Variants in TLN2 observed in about 807,000 individuals in gnomAD.
The protein encoded by TLN2 is talin-2.
A neutral mutation model predicts 294.7 loss-of-function variants in TLN2; 118 were observed. The observed-to-expected ratio is 0.40, with a 90% confidence interval of 0.34 to 0.47. TLN2 has a LOEUF of 0.47. TLN2 is among the 20% of genes least tolerant of loss of function. TLN2 has a pLI of 0.84. For missense variants in TLN2, 3,083 were observed against 3,282.2 expected (o/e 0.94, Z 1.48); for synonymous variants, 1,431 against 1,304.5 (o/e 1.10, Z -2.09).
intron 20 of TLN2, among the ~76,000 whole-genome samples, chr15:62,708,289 A>G (rs1030260185): frequency 3.3e-5 from 5 of 152,222 alleles, no homozygotes; most frequent in African/African-American, 7.2e-5. Context: ...GACATGTCAA[A>G]TCACAAGGAT....
In TLN2 at chr15:62,701,217, A is replaced by G. The variant is rs1364155888; in HGVS notation, c.1696+3A>G. The G allele has an allele frequency of 1.9e-6, 3 of 1,612,352 alleles. No individual in the cohort carries two copies. The Admixed American group carries it at 5.0e-5, about 27-fold the overall frequency. ...TTCAGTTGTTAACCTCACAGCTGGT[A>G]AGTCCCGGAGAGATTTGTGCTGCAT... is the stretch of plus-strand genomic sequence containing the variant. On this transcript the variant is annotated splice_donor_region_variant and intron_variant, in intron 17 of 58. Coordinates refer to ENST00000636159, the MANE Select transcript of TLN2 (RefSeq NM_015059.3).
At chr15:62,499,906 A>G (rs938013666) in intron 1 of TLN2, among the ~76,000 whole-genome samples, 11 of 152,120 alleles carry the variant, frequency 7.2e-5, no homozygotes, top group Admixed American at 4.6e-4. Context: ...CCTGGCTGCA[A>G]AGTTTCAAAG....
chr15:62,419,799 G>A (rs2034290591), intron 1 of TLN2, among the ~76,000 whole-genome samples: 1 of 151,952 alleles, frequency 6.6e-6, no homozygotes, highest in African/African-American at 2.4e-5. Context: ...ACCAGACCTG[G>A]CTAATTTTTG....
At chr15:62,544,089 C>T (rs537013345) in intron 1 of TLN2, among the ~76,000 whole-genome samples, 42 of 152,276 alleles carry the variant, frequency 2.8e-4, no homozygotes, top group East Asian at 1.9e-4. Context: ...TTAGCTATCA[C>T]GCTTTGTATA....
At chr15:62,735,584 G>T (rs1190060816) in intron 28 of TLN2, among the ~76,000 whole-genome samples, 1 of 152,214 alleles carries the variant, frequency 6.6e-6, no homozygotes, top group African/African-American at 2.4e-5. Context: ...ATGCTACCTG[G>T]TGTTGGCTAG....
intron 46 of TLN2, 27 bp from the exon 47 acceptor site, chr15:62,796,100 C>T: frequency 6.2e-7 from 1 of 1,609,192 alleles, no homozygotes; most frequent in Non-Finnish European, 8.5e-7. Flanking sequence ...TTTCTTAGCT[C>T]CCCTCACATT....
chr15:62,708,439 G>T (rs570587319), intron 20 of TLN2, 63 bp from the exon 21 acceptor site: 1 of 1,554,722 alleles, frequency 6.4e-7, no homozygotes, highest in African/African-American at 1.4e-5. Context: ...GGACTGCGGG[G>T]GCACATGGAG....
chr15:62,675,180 A>G, intron 10 of TLN2, 37 bp from the exon 11 acceptor site: 2 of 1,597,744 alleles, frequency 1.3e-6, no homozygotes, highest in Non-Finnish European at 1.7e-6. Context: ...GCTGGCAGAG[A>G]TGCAATAACT....
rs991405123 is a variant in TLN2, at chr15:62,748,505, G to T, written c.4119+61G>T. The T allele has an allele frequency of 3.1e-6, 4 of 1,307,518 alleles. No individual in the cohort carries two copies. In the African/African-American group the frequency reaches 4.4e-5, roughly 14 times the overall value. The allele number at this position is 1,307,518 out of a possible 1,614,324, so 81.0% of individuals were successfully genotyped here. ...AGGGAGTGTCTGTGTCTGTGTGTCT[G>T]TGTGTCTGTCTGTCTATGTCTGTGT... On this transcript the variant is annotated intron_variant, in intron 33 of 58. Coordinates refer to ENST00000636159, the MANE Select transcript of TLN2 (RefSeq NM_015059.3).
Position 62,781,151 on chromosome 15 carries a change from C to T in TLN2, c.5526C>T (p.Gly1842=), listed in dbSNP as rs756979874. 2 of 1,613,908 alleles carry T rather than the reference C, an allele frequency of 1.2e-6. No homozygotes were observed. Among genetic ancestry groups the T allele is most frequent in the South Asian group, 2.2e-5 (2 of 91,068 alleles). ...CCTCTCCTCTGTAGCTGGATGAAGG[C>T]ACTCCTCCAGAACCAAAGGGAACAT... ...IAEAMSKLDE[G]TPPEPKGTFV... Residue 1842 remains glycine (G), a synonymous_variant, in exon 44 of 59, where the codon GGC becomes GGT. Transcript: ENST00000636159.
intron 43 of TLN2, among the ~76,000 whole-genome samples, chr15:62,778,658 A>G (rs1180568423): frequency 6.6e-6 from 1 of 152,258 alleles, no homozygotes; most frequent in Non-Finnish European, 1.5e-5. Flanking sequence ...GGTATAGCCT[A>G]TGCTGTCTCA....
chr15:62,619,882 T>C (rs2048634745), intron 3 of TLN2, among the ~76,000 whole-genome samples: 1 of 152,348 alleles, frequency 6.6e-6, no homozygotes, highest in East Asian at 1.9e-4. Flanking sequence ...TTTTTAGCTC[T>C]GGGGTACTAA....
At chr15:62,660,702 G>C (rs1010953573) in intron 9 of TLN2, among the ~76,000 whole-genome samples, 1 of 152,176 alleles carries the variant, frequency 6.6e-6, no homozygotes, top group African/African-American at 2.4e-5. Flanking sequence ...GTGAAATTTT[G>C]TTACCTATAT....
chr15:62,617,353 C>A (rs982351335), intron 2 of TLN2, among the ~76,000 whole-genome samples: 3 of 152,102 alleles, frequency 2.0e-5, no homozygotes, highest in African/African-American at 7.2e-5. Context: ...TGGAACCATT[C>A]CTTGGATTCC....
At chr15:62,619,424 A>G (rs927277606) in intron 3 of TLN2, among the ~76,000 whole-genome samples, 1 of 152,218 alleles carries the variant, frequency 6.6e-6, no homozygotes, top group Non-Finnish European at 1.5e-5. Context: ...TGATAATTCT[A>G]CAGAAAGTAT....
chr15:62,418,182 T>G (rs1326050167), intron 1 of TLN2, among the ~76,000 whole-genome samples: 1 of 152,190 alleles, frequency 6.6e-6, no homozygotes, highest in Non-Finnish European at 1.5e-5. Context: ...GTATGCTGGG[T>G]GCAGTGGTTG....
chr15:62,601,890 CA>C (rs2047042835), intron 2 of TLN2, among the ~76,000 whole-genome samples: 1 of 152,034 alleles, frequency 6.6e-6, no homozygotes. Flanking sequence ...CAGATTGTCC[CA>C]TATTTGGCCA....
chr15:62,453,156 A>G (rs2036253058), intron 1 of TLN2, among the ~76,000 whole-genome samples: 1 of 152,196 alleles, frequency 6.6e-6, no homozygotes, highest in Non-Finnish European at 1.5e-5. Flanking sequence ...ACACACAATA[A>G]AGCAGCTCAT....
chr15:62,653,392 C>T, intron 7 of TLN2, 78 bp downstream of exon 7: 2 of 1,475,114 alleles, frequency 1.4e-6, no homozygotes, highest in South Asian at 2.9e-5. Context: ...ATCCATATGA[C>T]CCAGGACAGG....
Sources: gnomAD v4.1 joint callset for allele counts (sites outside exome capture counted in the v4.1 genomes callset) on GRCh38, gnomAD v4.1.1 for gene constraint, MANE v1.5 for transcripts, NCBI Gene and HGNC (gene_info 2026-07-23, HGNC 2026-07-21) for gene names.